The following PCDHGB5 variants were observed in gnomAD, a reference collection of about 807,000 sequenced individuals.
The protein encoded by PCDHGB5 is protocadherin gamma-B5.
In PCDHGB5, 48 loss-of-function variants were observed where a neutral mutation model predicts 62.9. The observed-to-expected ratio is 0.76, with a 90% CI of 0.61 to 0.97. The LOEUF is 0.97. Among genes scored for constraint, PCDHGB5 ranks in the 50% least tolerant of loss-of-function variants. The pLI, the probability that PCDHGB5 is intolerant of heterozygous loss-of-function variation, is 0.00. For synonymous variants in PCDHGB5, 474 were observed against 511.2 expected (o/e 0.93, Z 0.98); for missense variants, 1,118 against 1,198.6 (o/e 0.93, Z 0.99).
chr5:141,490,566 C>T lies in PCDHGB5; in HGVS notation c.2398-4241C>T. 3 of 1,614,132 alleles carry T rather than the reference C, an allele frequency of 1.9e-6. No homozygotes were observed. Among genetic ancestry groups the T allele is most frequent in the Non-Finnish European group, 2.5e-6 (3 of 1,180,028 alleles). On this transcript the variant is annotated intron_variant, in intron 1 of 3. Transcript: ENST00000617380. This position sits in a 1 kb window ranked among gnomAD's most constrained non-coding sequence, Gnocchi z 5.4. ...TACACAAACATCTCACCATCAGGCT[C>T]AACATTTCAGATGTCAATGACAATG...
intron 1 of PCDHGB5, chr5:141,413,907 G>C (rs745956130): frequency 6.2e-7 from 1 of 1,613,270 alleles, no homozygotes; most frequent in Non-Finnish European, 8.5e-7. Context: ...ACAACGCGCC[G>C]GTCTTCACCT....
At chr5:141,424,245 A>T (rs1196753393) in intron 1 of PCDHGB5, 3 of 155,310 alleles carry the variant, frequency 1.9e-5, no homozygotes, top group African/African-American at 7.2e-5. Context: ...GGTGGCTGGT[A>T]ATATGCTTAG....
chr5:141,490,846 G>T lies in PCDHGB5; in HGVS notation c.2398-3961G>T. 1 of 1,613,880 alleles carries T rather than the reference G, an allele frequency of 6.2e-7. No individual in the cohort carries two copies. Among genetic ancestry groups the T allele is most frequent in the Non-Finnish European group, 8.5e-7 (1 of 1,179,906 alleles). ...GCAGATGCTGCAGATTGTGGTGGGG[G>T]TTCGAGACTCCGGCTCTCCCCCATT... On this transcript the variant is annotated intron_variant, in intron 1 of 3. Coordinates refer to ENST00000617380, the MANE Select transcript of PCDHGB5 (RefSeq NM_018925.3). This position sits in a 1 kb window ranked among gnomAD's most constrained non-coding sequence, Gnocchi z 5.4.
intron 1 of PCDHGB5, among the ~76,000 whole-genome samples, chr5:141,400,862 A>C (rs1239905125): frequency 6.6e-6 from 1 of 152,224 alleles, no homozygotes; most frequent in African/African-American, 2.4e-5. Context: ...TTGTATGTAG[A>C]TAAACCATTA....
intron 1 of PCDHGB5, among the ~76,000 whole-genome samples, chr5:141,458,081 G>GTTT (rs1259527184): frequency 6.6e-6 from 1 of 152,186 alleles, no homozygotes; most frequent in Non-Finnish European, 1.5e-5. Flanking sequence ...CTATATTGCC[G>GTTT]TAAGTTAAGA....
intron 2 of PCDHGB5, among the ~76,000 whole-genome samples, chr5:141,499,879 G>C (rs1470090790): frequency 9.2e-5 from 14 of 151,952 alleles, no homozygotes. Flanking sequence ...GTACAAACAG[G>C]GTTTCGCCAT....
chr5:141,489,211 A>G lies in PCDHGB5; in HGVS notation c.2398-5596A>G, dbSNP rs1206929838. On this transcript the variant is annotated intron_variant, in intron 1 of 3. Coordinates refer to ENST00000617380, the MANE Select transcript of PCDHGB5 (RefSeq NM_018925.3). This position sits in a 1 kb window ranked among gnomAD's most constrained non-coding sequence, Gnocchi z 4.5. The stretch of plus-strand genomic sequence containing the variant: ...CTACCTTGGAGACAGGACAGCACAG[A>G]CTTACTCTCCACAAAGGGACTTCTG... 2 of 1,462,498 alleles carry G rather than the reference A, an allele frequency of 1.4e-6. No individual in the cohort carries two copies. Among genetic ancestry groups the G allele is most frequent in the Non-Finnish European group, 1.8e-6 (2 of 1,081,560 alleles). The allele number at this position is 1,462,498 out of a possible 1,614,324, so 90.6% of individuals were successfully genotyped here. A position where few individuals can be genotyped will look rare whatever the true frequency, so the allele number is the denominator to read the frequency against.
At chr5:141,405,436 T>C (rs2094666141) in intron 1 of PCDHGB5, 1 of 1,458,154 alleles carries the variant, frequency 6.9e-7, no homozygotes. Flanking sequence ...TGTTTTGTTT[T>C]TGAGACAGAG....
chr5:141,485,735 G>C lies in PCDHGB5; in HGVS notation c.2398-9072G>C, dbSNP rs1562107417. ...ACTGGATGTGAAGAAGCGCAGCGAC[G>C]GCAGCCTGGTCCCAGAGCTGCTCCT... is the stretch of plus-strand genomic sequence containing the variant. On this transcript the variant is annotated intron_variant, in intron 1 of 3. Coordinates refer to ENST00000617380, the MANE Select transcript of PCDHGB5 (RefSeq NM_018925.3). This position sits in a 1 kb window ranked among gnomAD's most constrained non-coding sequence, Gnocchi z 5.7. 2.5e-6 allele frequency: 4 copies of C among 1,614,048 alleles called. No individual in the cohort carries two copies. The highest frequency in any genetic ancestry group is 3.4e-6 in the Non-Finnish European group (4 of 1,180,044).
At chr5:141,508,151 C>T (rs1306467936) in intron 3 of PCDHGB5, 1 of 152,548 alleles carries the variant, frequency 6.6e-6, no homozygotes, top group Admixed American at 6.5e-5. Flanking sequence ...GGCTGAGTTT[C>T]CCTGAGTAGA....
intron 1 of PCDHGB5, among the ~76,000 whole-genome samples, chr5:141,480,513 C>T (rs1376669385): frequency 7.9e-6 from 1 of 127,246 alleles, no homozygotes. Context: ...ATGAGAACAA[C>T]CAAAAATGAC....
intron 1 of PCDHGB5, among the ~76,000 whole-genome samples, chr5:141,446,107 T>C (rs1031524158): frequency 6.6e-6 from 1 of 152,130 alleles, no homozygotes; most frequent in Admixed American, 6.5e-5. Flanking sequence ...TATAGATATA[T>C]TTAGGAAATG....
intron 3 of PCDHGB5, among the ~76,000 whole-genome samples, chr5:141,510,329 A>G (rs1433056614): frequency 6.7e-6 from 1 of 150,230 alleles, no homozygotes; most frequent in South Asian, 2.1e-4. Context: ...AGCACTCTTC[A>G]CCCCCACCCC....
At chr5:141,446,079 A>T (rs2098487021) in intron 1 of PCDHGB5, among the ~76,000 whole-genome samples, 1 of 152,234 alleles carries the variant, frequency 6.6e-6, no homozygotes, top group Non-Finnish European at 1.5e-5. Context: ...CAGTGGATGT[A>T]GAAATAAATG....
At chr5:141,404,371 C>T in intron 1 of PCDHGB5, 2 of 1,613,892 alleles carry the variant, frequency 1.2e-6, no homozygotes, top group Non-Finnish European at 1.7e-6. Flanking sequence ...CCATCTTCTC[C>T]GTGATTGCCT....
chr5:141,440,883 T>C (rs1435173649), intron 1 of PCDHGB5: 4 of 152,178 alleles, frequency 2.6e-5, no homozygotes, highest in Non-Finnish European at 5.9e-5. Flanking sequence ...AGCGTCGGCC[T>C]TCAGGAAGAT....
In PCDHGB5 at chr5:141,399,522, C is replaced by T; in HGVS notation, c.1395C>T (p.Ala465=). ...TACCCGAAAACAACCCTCCTGGGGC[C>T]TCCATCGCGCAAGTCTGCGCCTCGG... is the stretch of plus-strand genomic sequence containing the variant. ...VSVPENNPPG[A]SIAQVCASDL... Residue 465 remains alanine (A), a synonymous_variant, in exon 1 of 4, where the codon GCC becomes GCT. Coordinates refer to ENST00000617380, the MANE Select transcript of PCDHGB5 (RefSeq NM_018925.3). The T allele has an allele frequency of 3.7e-6, 6 of 1,614,056 alleles. No homozygotes were observed. The highest frequency in any genetic ancestry group is 5.1e-6 in the Non-Finnish European group (6 of 1,179,908).
At position 141,432,957 on chromosome 5, in the gene PCDHGB5, C is replaced by T. The variant is rs2097553676; in HGVS notation, c.2397+32433C>T. 1 of 1,614,190 alleles carries T rather than the reference C, an allele frequency of 6.2e-7. No individual in the cohort carries two copies. The highest frequency in any genetic ancestry group is 8.5e-7 in the Non-Finnish European group (1 of 1,180,030). ...CTGCAGGCTTCAGGAGGCGGCTTGA[C>T]AGGAGCGCCGGCGTCGCACTTTGTG... On this transcript the variant is annotated intron_variant, in intron 1 of 3. Coordinates refer to ENST00000617380, the MANE Select transcript of PCDHGB5 (RefSeq NM_018925.3). This position sits in a 1 kb window ranked among gnomAD's most constrained non-coding sequence, Gnocchi z 6.0.
At chr5:141,440,382 C>T (rs898655247) in intron 1 of PCDHGB5, 2 of 152,178 alleles carry the variant, frequency 1.3e-5, no homozygotes, top group Non-Finnish European at 2.9e-5. Context: ...AGGAGAATCG[C>T]TTGAACCCGA....
Sources: allele counts gnomAD v4.1 joint callset (sites outside exome capture counted in the v4.1 genomes callset), GRCh38; gene constraint gnomAD v4.1.1; non-coding constraint Gnocchi (gnomAD v3.1); transcripts MANE v1.5; gene names NCBI Gene and HGNC (gene_info 2026-07-23, HGNC 2026-07-21).